CCDC144A: variants seen among roughly 807,000 people sequenced by gnomAD.
The protein encoded by CCDC144A is coiled-coil domain-containing protein 144A.
A neutral mutation model predicts 143.8 loss-of-function variants in CCDC144A; 41 were observed. That is an observed-to-expected ratio of 0.29 (90% CI 0.22 to 0.37). The LOEUF (loss-of-function observed/expected upper bound fraction) is 0.37. Among genes scored for constraint, CCDC144A ranks in the 10% least tolerant of loss-of-function variants. CCDC144A has a pLI of 1.00. For missense variants in CCDC144A, 637 were observed against 1,488.8 expected, an observed-to-expected ratio of 0.43 and a Z score of 9.41; for synonymous variants, 242 against 517.9, an observed-to-expected ratio of 0.47 and a Z score of 7.23.
chr17:16,732,951 C>A (rs1187677094), intron 11 of CCDC144A, among the ~76,000 whole-genome samples: 1 of 151,544 alleles, frequency 6.6e-6, no homozygotes, highest in Admixed American at 6.6e-5. Context: ...AATTAATGAT[C>A]TTTCCACAAT....
chr17:16,669,955 G>C, the CCDC144A span, among the ~76,000 whole-genome samples: 5 of 152,120 alleles, frequency 3.3e-5, no homozygotes, highest in African/African-American at 1.2e-4. Context: ...GGCTGAGGGG[G>C]GTGGATAATG....
intron 15 of CCDC144A, among the ~76,000 whole-genome samples, chr17:16,768,773 C>G (rs11655105): frequency 0.15 from 21,984 of 146,664 alleles, 1,973 homozygotes; most frequent in African/African-American, 0.33. Context: ...GCCTTTGGTA[C>G]TGATTTCACT....
At chr17:16,693,316 G>GT (rs373775673) in intron 2 of CCDC144A, among the ~76,000 whole-genome samples, 18,680 of 147,018 alleles carry the variant, frequency 0.13, 1,492 homozygotes, top group South Asian at 0.29. Context: ...AAGAAAAAGT[G>GT]TTTTTTTTTG....
At chr17:16,701,700 ATGT>A (rs1358270416) in intron 2 of CCDC144A, among the ~76,000 whole-genome samples, 2 of 151,130 alleles carry the variant, frequency 1.3e-5, no homozygotes, top group Non-Finnish European at 2.9e-5. Context: ...TGTTTTCCTC[ATGT>A]TGTGTTCATC....
upstream of CCDC144A, chr17:16,690,227 T>G (rs1466057336): frequency 2.0e-6 from 1 of 495,816 alleles, no homozygotes; most frequent in African/African-American, 1.9e-5. Context: ...ACGGATTGGC[T>G]TGGCCTTACC....
At position 16,707,455 on chromosome 17, in the gene CCDC144A, T is replaced by A; in HGVS notation, c.665-14T>A. ...CTGTTCTAAGTAGTTTAACTGAATG[T>A]TTGGATTTTGCAGCAGAACAAGACT... On this transcript the variant is annotated splice_polypyrimidine_tract_variant and intron_variant, in intron 3 of 16. Transcript: ENST00000399273. 1 of 1,588,596 alleles carries A rather than the reference T, an allele frequency of 6.3e-7. No individual in the cohort carries two copies. Among genetic ancestry groups the A allele is most frequent in the South Asian group, 1.1e-5 (1 of 87,586 alleles).
chr17:16,714,087 C>G (rs1231699986), intron 6 of CCDC144A, among the ~76,000 whole-genome samples: 1 of 152,142 alleles, frequency 6.6e-6, no homozygotes, highest in Non-Finnish European at 1.5e-5. Context: ...CTTCACTTGG[C>G]TTTCAGGATC....
At chr17:16,697,790 TA>T (rs1228377282) in intron 2 of CCDC144A, among the ~76,000 whole-genome samples, 2 of 152,142 alleles carry the variant, frequency 1.3e-5, no homozygotes, top group Non-Finnish European at 1.5e-5. Context: ...ATAGTGGAAA[TA>T]TAAAGCAGAT....
chr17:16,700,676 G>T (rs1414917032), intron 2 of CCDC144A, among the ~76,000 whole-genome samples: 1 of 152,194 alleles, frequency 6.6e-6, no homozygotes, highest in Non-Finnish European at 1.5e-5. Flanking sequence ...CAAATAATAT[G>T]ACAGACCATA....
chr17:16,667,285 G>GC, the CCDC144A span, among the ~76,000 whole-genome samples: 2 of 125,676 alleles, frequency 1.6e-5, no homozygotes, highest in East Asian at 8.3e-4. Context: ...AGGGGCTGAG[G>GC]GGTTGAGGCG....
intron 12 of CCDC144A, among the ~76,000 whole-genome samples, chr17:16,753,715 C>T (rs925978447): frequency 6.6e-6 from 1 of 152,134 alleles, no homozygotes; most frequent in Non-Finnish European, 1.5e-5. Flanking sequence ...GTCATGTGCA[C>T]AGGGAGACAG....
chr17:16,698,444 G>T (rs1191927655), intron 2 of CCDC144A, among the ~76,000 whole-genome samples: 3 of 152,168 alleles, frequency 2.0e-5, no homozygotes, highest in African/African-American at 7.2e-5. Flanking sequence ...TACTTCTGAT[G>T]TTCAAATGTG....
intron 12 of CCDC144A, among the ~76,000 whole-genome samples, chr17:16,744,936 CAA>C (rs1190260538): frequency 6.6e-6 from 1 of 152,068 alleles, no homozygotes; most frequent in Non-Finnish European, 1.5e-5. Flanking sequence ...CCTTCCCGAA[CAA>C]AATTTCTGTT....
Position 16,773,384 on chromosome 17 carries a change from A to G in CCDC144A, c.4142-113A>G, listed in dbSNP as rs1041261866. Reference sequence around the variant, plus strand: ...AATTGCTTAAGCCTGGGAGGACAAGACTGCAGTGACCTGTGATCACACCAT... The same window carrying G: ...AATTGCTTAAGCCTGGGAGGACAAGGCTGCAGTGACCTGTGATCACACCAT... On this transcript the variant is annotated intron_variant, in intron 16 of 16. Coordinates refer to ENST00000399273, the MANE Select transcript of CCDC144A (RefSeq NM_001382000.1). 2.2e-6 allele frequency: 3 copies of G among 1,386,668 alleles called. No individual in the cohort carries two copies. The African/African-American group carries it at 4.5e-5, about 21-fold the overall frequency. The allele number at this position is 1,386,668 out of a possible 1,614,324, so 85.9% of individuals were successfully genotyped here. A position where few individuals can be genotyped will look rare whatever the true frequency, so the allele number is the denominator to read the frequency against.
chr17:16,754,154 C>G (rs967532930), intron 12 of CCDC144A, among the ~76,000 whole-genome samples: 1 of 152,190 alleles, frequency 6.6e-6, no homozygotes, highest in Non-Finnish European at 1.5e-5. Flanking sequence ...CCATGTATTT[C>G]TTTGCTATCT....
chr17:16,750,308 T>A lies in CCDC144A; in HGVS notation c.3373-11117T>A, dbSNP rs1431797540. Among the ~76,000 whole-genome samples, 4 of 151,652 alleles carry A rather than the reference T, an allele frequency of 2.6e-5. No homozygotes were observed. In the East Asian group the frequency reaches 7.7e-4, roughly 29 times the overall value. The stretch of plus-strand genomic sequence containing the variant: ...CTAGCGGTAATGAATTTCTTTAGTG[T>A]TTGTCTGGAAAAGATTGTATTTCTC... On this transcript the variant is annotated intron_variant, in intron 12 of 16. Coordinates refer to ENST00000399273, the MANE Select transcript of CCDC144A (RefSeq NM_001382000.1).
At chr17:16,767,810 A>G (rs1252140830) in intron 15 of CCDC144A, among the ~76,000 whole-genome samples, 1 of 152,278 alleles carries the variant, frequency 6.6e-6, no homozygotes, top group African/African-American at 2.4e-5. Context: ...AGTTTTCTCT[A>G]CATTCATGAC....
intron 4 of CCDC144A, among the ~76,000 whole-genome samples, chr17:16,707,946 A>C (rs1175277176): frequency 6.6e-6 from 1 of 152,114 alleles, no homozygotes; most frequent in Non-Finnish European, 1.5e-5. Context: ...CAAATTTTGC[A>C]GTTTTATATT....
At chr17:16,738,829 A>G (rs1386036663) in intron 12 of CCDC144A, among the ~76,000 whole-genome samples, 4 of 152,166 alleles carry the variant, frequency 2.6e-5, no homozygotes, top group Non-Finnish European at 2.9e-5. Context: ...TTTCTGGGTC[A>G]TATGGTAACA....
Sources: gnomAD v4.1 joint callset for allele counts (sites outside exome capture counted in the v4.1 genomes callset) on GRCh38, gnomAD v4.1.1 for gene constraint, MANE v1.5 for transcripts, NCBI Gene and HGNC (gene_info 2026-07-23, HGNC 2026-07-21) for gene names.